ARID1B: variants seen among roughly 807,000 people sequenced by gnomAD.
The protein encoded by ARID1B is AT-rich interaction domain 1B.
In ARID1B, 30 loss-of-function variants were observed where a neutral mutation model predicts 212.3. That is an observed-to-expected ratio of 0.14 (90% CI 0.11 to 0.19). The LOEUF (loss-of-function observed/expected upper bound fraction) is 0.19, where lower values mean the gene tolerates loss of function less well. ARID1B is among the 10% of genes least tolerant of loss of function. The pLI is 1.00. For missense variants in ARID1B, 2,891 were observed against 3,204.0 expected (o/e 0.90, Z 2.36); for synonymous variants, 1,402 against 1,301.7 (o/e 1.08, Z -1.66).
At chr6:157,115,338 T>G (rs1234390973) in intron 6 of ARID1B, among the ~76,000 whole-genome samples, 1 of 152,216 alleles carries the variant, frequency 6.6e-6, no homozygotes, top group African/African-American at 2.4e-5. Context: ...GGCTCTCTAC[T>G]CTCTTACATA....
chr6:156,996,477 T>C (rs978248647), intron 4 of ARID1B, among the ~76,000 whole-genome samples: 4 of 152,140 alleles, frequency 2.6e-5, no homozygotes, highest in Non-Finnish European at 5.9e-5. Context: ...AGAAGGTGAG[T>C]CATGGCTCTG....
At chr6:157,117,618 G>A (rs189526846) in intron 6 of ARID1B, among the ~76,000 whole-genome samples, 166 of 152,344 alleles carry the variant, frequency 1.1e-3, no homozygotes, top group African/African-American at 3.7e-3. Flanking sequence ...GTCGGCAGCA[G>A]GCTGGGGCTT....
chr6:157,039,814 CTTTT>C (rs1279128500), intron 4 of ARID1B, among the ~76,000 whole-genome samples: 1 of 118,228 alleles, frequency 8.5e-6, no homozygotes, highest in Non-Finnish European at 1.7e-5. Flanking sequence ...CTCTTTCTTT[CTTTT>C]TCTCTCTTTC....
At chr6:157,069,483 C>G (rs1468252827) in intron 4 of ARID1B, among the ~76,000 whole-genome samples, 1 of 152,164 alleles carries the variant, frequency 6.6e-6, no homozygotes, top group Non-Finnish European at 1.5e-5. Context: ...ACAGTTAATG[C>G]AGTTACTTAG....
intron 2 of ARID1B, among the ~76,000 whole-genome samples, chr6:156,873,395 G>GA (rs1228057029): frequency 6.6e-6 from 1 of 152,174 alleles, no homozygotes; most frequent in East Asian, 1.9e-4. Flanking sequence ...ATACTTTGAG[G>GA]AGAGGGTAAC....
intron 4 of ARID1B, among the ~76,000 whole-genome samples, chr6:156,983,927 C>G (rs768270397): frequency 6.6e-6 from 1 of 152,168 alleles, no homozygotes; most frequent in Non-Finnish European, 1.5e-5. Flanking sequence ...TAGGATTGAC[C>G]TTGCTTTTCT....
At chr6:157,180,933 C>T (rs2128316352) in intron 11 of ARID1B, 36 bp from the exon 12 acceptor site, 1 of 1,585,440 alleles carries the variant, frequency 6.3e-7, no homozygotes, top group African/African-American at 1.3e-5. Flanking sequence ...TCTGCCCACC[C>T]ATGCCCCACC....
chr6:157,128,932 A>G (rs1788343279), intron 6 of ARID1B, among the ~76,000 whole-genome samples: 2 of 152,216 alleles, frequency 1.3e-5, no homozygotes, highest in Admixed American at 1.3e-4. Context: ...ACTTCCCATA[A>G]TACACCCTTT....
At position 156,864,580 on chromosome 6, in the gene ARID1B, C is replaced by T. The variant is rs988759193; in HGVS notation, c.1986+35159C>T. ...GCTGTCAGTAACAGTAGGTACTGCC[C>T]GCCTTAGCCCATGCCCACGTCCCCA... On this transcript the variant is annotated intron_variant, in intron 2 of 19. Coordinates refer to ENST00000636930, the MANE Select transcript of ARID1B (RefSeq NM_001374828.1). Among the ~76,000 whole-genome samples, 13 of 152,286 alleles carry T rather than the reference C, an allele frequency of 8.5e-5. No homozygotes were observed. In the South Asian group the frequency reaches 2.1e-3, roughly 24 times the overall value.
At chr6:156,811,744 C>T (rs182327605) in intron 1 of ARID1B, among the ~76,000 whole-genome samples, 92 of 152,298 alleles carry the variant, frequency 6.0e-4, no homozygotes, top group Non-Finnish European at 4.9e-4. Context: ...TCTTCATAGA[C>T]GCTAGTCCCA....
chr6:157,030,812 T>C (rs1780973187), intron 4 of ARID1B, among the ~76,000 whole-genome samples: 1 of 152,212 alleles, frequency 6.6e-6, no homozygotes, highest in African/African-American at 2.4e-5. Flanking sequence ...TATTTTTCAT[T>C]GTTACCAATA....
intron 4 of ARID1B, among the ~76,000 whole-genome samples, chr6:156,961,172 A>G (rs980413849): frequency 6.6e-6 from 1 of 152,214 alleles, no homozygotes; most frequent in African/African-American, 2.4e-5. Flanking sequence ...CAGCATCCCT[A>G]AACACTCCCA....
chr6:156,909,982 C>G (rs1333636355), intron 3 of ARID1B, among the ~76,000 whole-genome samples: 1 of 152,196 alleles, frequency 6.6e-6, no homozygotes, highest in Non-Finnish European at 1.5e-5. Flanking sequence ...CTCCAAATTG[C>G]TCACTAACTA....
intron 2 of ARID1B, among the ~76,000 whole-genome samples, chr6:156,869,682 C>T (rs1470815557): frequency 2.0e-5 from 3 of 151,998 alleles, no homozygotes; most frequent in African/African-American, 4.8e-5. Context: ...GGAATTAATA[C>T]GGATGTCAGA....
At chr6:156,794,490 A>G (rs955992693) in intron 1 of ARID1B, among the ~76,000 whole-genome samples, 4 of 151,364 alleles carry the variant, frequency 2.6e-5, no homozygotes, top group Admixed American at 2.0e-4. Flanking sequence ...TGGGCGGCTC[A>G]AGCAATCCTC....
chr6:156,947,592 A>G (rs916186012), intron 4 of ARID1B, among the ~76,000 whole-genome samples: 2 of 151,770 alleles, frequency 1.3e-5, no homozygotes, highest in African/African-American at 4.8e-5. Flanking sequence ...AGCAGAGGAA[A>G]TGGGACTTTA....
At chr6:157,021,389 CG>C (rs1780242954) in intron 4 of ARID1B, among the ~76,000 whole-genome samples, 2 of 152,350 alleles carry the variant, frequency 1.3e-5, no homozygotes, top group South Asian at 4.1e-4. Flanking sequence ...AACCCTGCCG[CG>C]GAGGCGCTGG....
intron 3 of ARID1B, among the ~76,000 whole-genome samples, chr6:156,909,248 T>C (rs1789671337): frequency 6.7e-6 from 1 of 149,744 alleles, no homozygotes; most frequent in Admixed American, 6.7e-5. Context: ...GCCTCAGCCC[T>C]GTGAGTAGCT....
chr6:157,007,277 A>AT (rs1164696776), intron 4 of ARID1B, among the ~76,000 whole-genome samples: 1 of 152,238 alleles, frequency 6.6e-6, no homozygotes, highest in Admixed American at 6.5e-5. Flanking sequence ...TTAAATTTAA[A>AT]TTCAGGAATT....
Sources: allele counts gnomAD v4.1 joint callset (sites outside exome capture counted in the v4.1 genomes callset), GRCh38; gene constraint gnomAD v4.1.1; transcripts MANE v1.5; gene names NCBI Gene and HGNC (gene_info 2026-07-23, HGNC 2026-07-21).